Variants in CNTN4 observed in about 807,000 individuals in gnomAD.
The protein encoded by CNTN4 is contactin 4.
In CNTN4, 77 loss-of-function variants were observed where a neutral mutation model predicts 122.5. The observed-to-expected ratio is 0.63, with a 90% CI of 0.52 to 0.76. The LOEUF (loss-of-function observed/expected upper bound fraction) is 0.76, where lower values mean the gene tolerates loss of function less well. Ranked by LOEUF, CNTN4 falls within the 30% of genes least tolerant of loss-of-function variation. The pLI is 0.00. For synonymous variants in CNTN4, 512 were observed against 447.0 expected (o/e 1.15, Z -1.83); for missense variants, 1,256 against 1,259.1 (o/e 1.00, Z 0.04).
chr3:2,248,379 G>A (rs1358809330), intron 2 of CNTN4, among the ~76,000 whole-genome samples: 1 of 151,892 alleles, frequency 6.6e-6, no homozygotes, highest in East Asian at 1.9e-4. Flanking sequence ...TTACTCTTAG[G>A]TGTGAACCAT....
In CNTN4 at chr3:2,238,845, A is replaced by G. The variant is rs1302903495; in HGVS notation, c.-144-100333A>G. 8 of 96,592 alleles carry G rather than the reference A, an allele frequency of 8.3e-5. 2 individuals carry two copies. Among genetic ancestry groups the G allele is most frequent in the Admixed American group, 1.3e-4 (1 of 7,926 alleles). The allele number at this position is 96,592 out of a possible 1,614,324, so 6.0% of individuals were successfully genotyped here. On this transcript the variant is annotated intron_variant, in intron 2 of 24. Transcript: ENST00000418658. ...CGGGTTCCCGCCATTCTCCCGCCTC[A>G]GCCTCCCGAGTAGCTGGGACTACAG...
intron 13 of CNTN4, among the ~76,000 whole-genome samples, chr3:2,951,456 C>G (rs1020919698): frequency 2.0e-5 from 3 of 152,184 alleles, no homozygotes; most frequent in Non-Finnish European, 2.9e-5. Context: ...CTCACAGGCT[C>G]TCACCTCCTG....
At chr3:2,201,687 A>G (rs1412736432) in intron 2 of CNTN4, among the ~76,000 whole-genome samples, 1 of 152,164 alleles carries the variant, frequency 6.6e-6, no homozygotes, top group Non-Finnish European at 1.5e-5. Flanking sequence ...CTAGTAGGTG[A>G]CCTCACAATA....
At chr3:2,550,169 T>C (rs1290917420) in intron 3 of CNTN4, among the ~76,000 whole-genome samples, 1 of 152,152 alleles carries the variant, frequency 6.6e-6, no homozygotes, top group African/African-American at 2.4e-5. Flanking sequence ...TCATTGATTT[T>C]TTGAAGGGTT....
intron 3 of CNTN4, among the ~76,000 whole-genome samples, chr3:2,340,710 T>TAGAGAGAGAGAGAGAGAGAGAGAG (rs747326741): frequency 5.5e-5 from 1 of 18,306 alleles, no homozygotes; most frequent in African/African-American, 1.0e-4. Context: ...TATATATATA[T>TAGAGAGAGAGAGAGAGAGAGAGAG]AGAGAGAGAG....
At chr3:2,774,986 CA>C (rs1471900710) in intron 6 of CNTN4, among the ~76,000 whole-genome samples, 1 of 152,216 alleles carries the variant, frequency 6.6e-6, no homozygotes, top group Admixed American at 6.5e-5. Flanking sequence ...TTCAGCTTCG[CA>C]AAAGGCTAGT....
intron 3 of CNTN4, among the ~76,000 whole-genome samples, chr3:2,538,979 C>T (rs1321889871): frequency 2.6e-5 from 4 of 151,812 alleles, no homozygotes; most frequent in Admixed American, 6.6e-5. Context: ...TATATATGCT[C>T]AAAATATTAT....
chr3:3,027,529 T>C (rs1030804374), intron 15 of CNTN4, among the ~76,000 whole-genome samples: 4 of 152,174 alleles, frequency 2.6e-5, no homozygotes, highest in Admixed American at 2.6e-4. Context: ...GGAAAGTACA[T>C]AGCCCAATGT....
At chr3:2,101,290 G>T (rs975740587) in intron 2 of CNTN4, among the ~76,000 whole-genome samples, 1 of 151,948 alleles carries the variant, frequency 6.6e-6, no homozygotes, top group Non-Finnish European at 1.5e-5. Context: ...CAGGGCATCC[G>T]TTCCTTCAAT....
intron 6 of CNTN4, among the ~76,000 whole-genome samples, chr3:2,748,534 G>T (rs937293232): frequency 2.6e-5 from 4 of 152,070 alleles, no homozygotes; most frequent in African/African-American, 9.7e-5. Flanking sequence ...AGGGCAGCAT[G>T]TCACTAGAGA....
chr3:2,855,036 C>T (rs988362000), intron 7 of CNTN4, among the ~76,000 whole-genome samples: 2 of 152,156 alleles, frequency 1.3e-5, no homozygotes, highest in Non-Finnish European at 2.9e-5. Context: ...GTACGAGTGA[C>T]CCGTACAATA....
Position 2,409,168 on chromosome 3 carries a change from C to T in CNTN4, c.-89+69935C>T, listed in dbSNP as rs73104041. ...ATTAATTCCAGGGAATTAAAGCACACTCATCTTGCAGGTTTTATTTAATAA... is the reference window on the plus strand; with the variant it reads ...ATTAATTCCAGGGAATTAAAGCACATTCATCTTGCAGGTTTTATTTAATAA... On this transcript the variant is annotated intron_variant, in intron 3 of 24. Transcript: ENST00000418658. Among the ~76,000 whole-genome samples, 852 of 151,810 alleles carry T rather than the reference C, an allele frequency of 5.6e-3. 9 individuals are homozygous for T. Among genetic ancestry groups the T allele is most frequent in the African/African-American group, 0.019 (785 of 41,362 alleles).
chr3:2,582,026 G>C (rs1255904332), intron 4 of CNTN4, among the ~76,000 whole-genome samples: 8 of 152,220 alleles, frequency 5.3e-5, no homozygotes. Context: ...TGTTGGATAT[G>C]TGATGTCTTT....
At chr3:2,695,311 C>A (rs74611412) in intron 4 of CNTN4, among the ~76,000 whole-genome samples, 304 of 152,318 alleles carry the variant, frequency 2.0e-3, no homozygotes, top group African/African-American at 6.9e-3. Flanking sequence ...TCTCTAACAT[C>A]TTCCAGCCAG....
At chr3:2,696,553 C>T (rs1259052319) in intron 4 of CNTN4, among the ~76,000 whole-genome samples, 1 of 152,208 alleles carries the variant, frequency 6.6e-6, no homozygotes, top group Non-Finnish European at 1.5e-5. Context: ...TCACCAGACA[C>T]CAAACTTGCT....
chr3:2,824,816 C>A (rs1355627439), intron 7 of CNTN4, among the ~76,000 whole-genome samples: 1 of 151,942 alleles, frequency 6.6e-6, no homozygotes, highest in Admixed American at 6.5e-5. Context: ...GAGTGCACCA[C>A]CACACCTGGC....
chr3:2,710,516 G>A (rs886811520), intron 4 of CNTN4, among the ~76,000 whole-genome samples: 10 of 152,072 alleles, frequency 6.6e-5, no homozygotes, highest in Non-Finnish European at 4.4e-5. Context: ...CATTGACTAA[G>A]GAAACTAATT....
chr3:2,934,742 A>T (rs1264602079), intron 13 of CNTN4, among the ~76,000 whole-genome samples: 1 of 152,254 alleles, frequency 6.6e-6, no homozygotes, highest in African/African-American at 2.4e-5. Context: ...CAATTATGTT[A>T]TTGCAATAAT....
At chr3:2,729,804 C>T (rs1029254665) in intron 4 of CNTN4, among the ~76,000 whole-genome samples, 4 of 151,296 alleles carry the variant, frequency 2.6e-5, no homozygotes, top group Non-Finnish European at 5.9e-5. Flanking sequence ...ATACCAGCTA[C>T]TAAGAAGGCT....
Sources: gnomAD v4.1 joint callset for allele counts (sites outside exome capture counted in the v4.1 genomes callset) on GRCh38, gnomAD v4.1.1 for gene constraint, MANE v1.5 for transcripts, NCBI Gene and HGNC (gene_info 2026-07-23, HGNC 2026-07-21) for gene names.